RANBP2: variants seen among roughly 807,000 people sequenced by gnomAD.
RANBP2 encodes the protein E3 SUMO-protein ligase RanBP2.
Under a neutral mutation model 303.6 loss-of-function variants are expected in RANBP2, and 57 were observed. The observed-to-expected ratio is 0.19, with a 90% confidence interval of 0.15 to 0.23. The LOEUF (loss-of-function observed/expected upper bound fraction) is 0.23, where lower values mean the gene tolerates loss of function less well. Among genes scored for constraint, RANBP2 ranks in the 10% least tolerant of loss-of-function variants. The probability of loss-of-function intolerance (pLI) is 1.00; values close to 1 mark genes in which losing one functional copy is unlikely to be tolerated. For missense variants in RANBP2, 3,138 were observed against 3,780.8 expected (o/e 0.83, Z 4.46); for synonymous variants, 1,167 against 1,301.5 (o/e 0.90, Z 2.23).
chr2:108,780,156 T>C (rs930351397), intron 25 of RANBP2, among the ~76,000 whole-genome samples: 7 of 151,714 alleles, frequency 4.6e-5, no homozygotes, highest in African/African-American at 1.5e-4. Context: ...TACTCAACAG[T>C]ATGAGTTGAA....
the RANBP2 span, among the ~76,000 whole-genome samples, chr2:109,669,741 T>C: frequency 2.0e-5 from 3 of 152,170 alleles, no homozygotes; most frequent in Non-Finnish European, 4.4e-5. Context: ...ACCGGCTCCC[T>C]GGCCAGCAGC....
chr2:108,876,155 A>G, the RANBP2 span: 3 of 1,612,372 alleles, frequency 1.9e-6, no homozygotes, highest in Non-Finnish European at 2.5e-6. Context: ...AAGGACAACA[A>G]ACCCAGAGCA....
chr2:108,941,747 A>G, the RANBP2 span, among the ~76,000 whole-genome samples: 2 of 152,212 alleles, frequency 1.3e-5, no homozygotes, highest in Non-Finnish European at 2.9e-5. Flanking sequence ...TAGGATGTGT[A>G]TTATGCTCGC....
At chr2:108,725,530 G>A (rs1694631388) in intron 1 of RANBP2, among the ~76,000 whole-genome samples, 1 of 152,192 alleles carries the variant, frequency 6.6e-6, no homozygotes, top group South Asian at 2.1e-4. Context: ...GGGAGGTGGA[G>A]GAAGTCAGAT....
the RANBP2 span, among the ~76,000 whole-genome samples, chr2:109,221,581 CAA>C: frequency 0.01 from 640 of 63,314 alleles, 2 homozygotes; most frequent in African/African-American, 0.021. Flanking sequence ...GACTCCATCT[CAA>C]AAAAAAAAAA....
At chr2:109,649,459 G>A in the RANBP2 span, among the ~76,000 whole-genome samples, 32 of 151,986 alleles carry the variant, frequency 2.1e-4, no homozygotes, top group Admixed American at 1.2e-3. Context: ...GTGCGGTGGC[G>A]TGATCTCGGG....
chr2:109,683,301 C>T, the RANBP2 span, among the ~76,000 whole-genome samples: 6 of 152,182 alleles, frequency 3.9e-5, no homozygotes, highest in Non-Finnish European at 7.3e-5. Flanking sequence ...CCACTGTGCC[C>T]AGCCTAGAAG....
chr2:109,213,013 G>A, the RANBP2 span, among the ~76,000 whole-genome samples: 66 of 152,206 alleles, frequency 4.3e-4, no homozygotes, highest in Non-Finnish European at 6.3e-4. Flanking sequence ...TGCAGGTGTC[G>A]GCAGCAGGGT....
chr2:109,710,212 T>C, the RANBP2 span, among the ~76,000 whole-genome samples: 1 of 150,308 alleles, frequency 6.7e-6, no homozygotes, highest in South Asian at 2.1e-4. Flanking sequence ...TGAAAACCCA[T>C]CTCTACTAAA....
chr2:108,739,163 G>C (rs1248077874), intron 6 of RANBP2, among the ~76,000 whole-genome samples: 2 of 151,750 alleles, frequency 1.3e-5, no homozygotes, highest in Non-Finnish European at 2.9e-5. Flanking sequence ...AGCACTTTGG[G>C]AGGCCGAGGC....
At chr2:108,730,624 A>G in intron 2 of RANBP2, 150 bp from the exon 3 acceptor site, 6 of 1,082,012 alleles carry the variant, frequency 5.5e-6, no homozygotes, top group Non-Finnish European at 8.1e-6. Flanking sequence ...TTCTATGAGT[A>G]CTTCTGAGTT....
chr2:109,015,777 A>G, the RANBP2 span, among the ~76,000 whole-genome samples: 10 of 152,212 alleles, frequency 6.6e-5, no homozygotes, highest in African/African-American at 2.2e-4. Context: ...AATAAATAAA[A>G]TAAAAAAATA....
At chr2:109,292,072 C>T in the RANBP2 span, among the ~76,000 whole-genome samples, 1 of 152,166 alleles carries the variant, frequency 6.6e-6, no homozygotes, top group Non-Finnish European at 1.5e-5. Context: ...ACCGTGTTAG[C>T]CAGGATGGTC....
chr2:109,416,979 G>T, the RANBP2 span, among the ~76,000 whole-genome samples: 1 of 152,106 alleles, frequency 6.6e-6, no homozygotes, highest in Non-Finnish European at 1.5e-5. Flanking sequence ...ACAGTCACAG[G>T]CCATGGTGTT....
At chr2:109,432,637 G>A in the RANBP2 span, 7 of 1,612,906 alleles carry the variant, frequency 4.3e-6, no homozygotes, top group South Asian at 2.2e-5. Context: ...GGTCTCTGGG[G>A]TGTTCCCCGG....
the RANBP2 span, among the ~76,000 whole-genome samples, chr2:109,051,994 C>T: frequency 5.3e-5 from 8 of 152,158 alleles, no homozygotes; most frequent in South Asian, 8.3e-4. Flanking sequence ...GTGATCCGCC[C>T]GCCTCGGCCT....
chr2:109,196,077 C>T, the RANBP2 span, among the ~76,000 whole-genome samples: 1 of 152,224 alleles, frequency 6.6e-6, no homozygotes. Flanking sequence ...AGAGGGAACG[C>T]AGACCACCTG....
At chr2:108,891,020 T>TA in the RANBP2 span, among the ~76,000 whole-genome samples, 519 of 152,184 alleles carry the variant, frequency 3.4e-3, 2 homozygotes, top group Non-Finnish European at 6.3e-3. Flanking sequence ...TTTGGTTCTT[T>TA]AAAAAAAATC....
the RANBP2 span, among the ~76,000 whole-genome samples, chr2:109,197,334 T>G: frequency 6.6e-6 from 1 of 151,838 alleles, no homozygotes; most frequent in Non-Finnish European, 1.5e-5. Flanking sequence ...CAGGAGGGGT[T>G]AAGAAGGGAA....
Sources: gnomAD v4.1 joint callset for allele counts (sites outside exome capture counted in the v4.1 genomes callset) on GRCh38, gnomAD v4.1.1 for gene constraint, MANE v1.5 for transcripts, NCBI Gene and HGNC (gene_info 2026-07-23, HGNC 2026-07-21) for gene names.